Variants in COL17A1 observed in about 807,000 individuals in gnomAD.
COL17A1 encodes the protein collagen alpha-1(XVII) chain.
In COL17A1, 181 loss-of-function variants were observed where a neutral mutation model predicts 218.4. The observed-to-expected ratio is 0.83, with a 90% CI of 0.73 to 0.94. COL17A1 has a LOEUF of 0.94. Among genes scored for constraint, COL17A1 ranks in the 40% least tolerant of loss-of-function variants. The pLI is 0.00. For synonymous variants in COL17A1, 721 were observed against 731.0 expected (o/e 0.99, Z 0.22); for missense variants, 1,924 against 1,945.9 (o/e 0.99, Z 0.21).
In COL17A1 at chr10:104,033,317, C is replaced by T. The variant is rs753071204; in HGVS notation, c.4215G>A (p.Gly1405=). The T allele has an allele frequency of 6.2e-7, 1 of 1,607,522 alleles. No homozygotes were observed. Among genetic ancestry groups the T allele is most frequent in the South Asian group, 1.1e-5 (1 of 89,448 alleles). Residue 1405 remains glycine, a synonymous_variant, in exon 53 of 56, where the codon GGG becomes GGA. Coordinates refer to ENST00000648076, the MANE Select transcript of COL17A1 (RefSeq NM_000494.4). The part of the protein sequence containing the change: ...YTVQGPPGQP[G]PQGPPGISKV... ...TGCTGATGCCGGGTGGCCCCTGTGG[C>T]CCAGGCTGGCCTGGTGGGCCCTGGA...
intron 31 of COL17A1, 58 bp downstream of exon 31, chr10:104,047,681 A>G (rs2086426023): frequency 1.4e-6 from 2 of 1,420,228 alleles, no homozygotes; most frequent in African/African-American, 2.8e-5. Context: ...CTACATCCAC[A>G]CACACAAAGC....
At position 104,034,623 on chromosome 10, in the gene COL17A1, G is replaced by T; in HGVS notation, c.3764C>A (p.Thr1255Lys). 1 of 1,609,912 alleles carries T rather than the reference G, an allele frequency of 6.2e-7. No individual in the cohort carries two copies. ...GGCATCACCGTCGGGGCACCTACTT[G>T]TGAGGTAGCTGATCAGCTCGCTCCG... Reference protein sequence around the residue: ...SFRSELISYLTSPDVRSFIVG... With the variant: ...SFRSELISYLKSPDVRSFIVG... The change falls in exon 51 of 56, where the codon ACA becomes AAA. Residue 1255 changes from threonine to lysine, a missense_variant and splice_region_variant. Physicochemically the swap from Thr to Lys is moderately conservative, Grantham distance 78. Transcript: ENST00000648076.
intron 48 of COL17A1, among the ~76,000 whole-genome samples, chr10:104,036,075 GGAGTGTGTATGGGA>G (rs2086288578): frequency 1.8e-5 from 1 of 56,794 alleles, no homozygotes; most frequent in Non-Finnish European, 3.6e-5. Flanking sequence ...TATGTGTATG[GGAGTGTGTATGGGA>G]GTGTGTGTGT....
rs1315027341 is a variant in COL17A1, at chr10:104,052,282, C to T, written c.1940-65G>A. ...CCAGTGTGGCTGCCCCCTATCCTGGCACTGTCATTTGGAGGGGATGCTTCC... is the reference window on the plus strand; with the variant it reads ...CCAGTGTGGCTGCCCCCTATCCTGGTACTGTCATTTGGAGGGGATGCTTCC... On this transcript the variant is annotated intron_variant, in intron 23 of 55. Transcript: ENST00000648076. The T allele has an allele frequency of 1.7e-5, 28 of 1,603,612 alleles. No individual in the cohort carries two copies. In the South Asian group the frequency reaches 2.8e-4, roughly 16 times the overall value.
In COL17A1 at chr10:104,052,085, C is replaced by T. The variant is rs757852571; in HGVS notation, c.2002+70G>A. 2.3e-5 allele frequency: 37 copies of T among 1,608,412 alleles called. No homozygotes were observed. The Admixed American group carries it at 4.3e-4, about 19-fold the overall frequency. Reference sequence around the variant, plus strand: ...GCTGTCTGGGGTCCCAGGGCCTCTTCTCTGTGATCCATCCTGAATGTGGCT... The same window carrying T: ...GCTGTCTGGGGTCCCAGGGCCTCTTTTCTGTGATCCATCCTGAATGTGGCT... On this transcript the variant is annotated intron_variant, in intron 24 of 55. Coordinates refer to ENST00000648076, the MANE Select transcript of COL17A1 (RefSeq NM_000494.4).
At chr10:104,034,593 G>T in intron 51 of COL17A1, 28 bp downstream of exon 51, 1 of 1,605,546 alleles carries the variant, frequency 6.2e-7, no homozygotes, top group South Asian at 1.1e-5. Context: ...CGGGGTGCCT[G>T]GTGGGGCATC....
chr10:104,054,297 GA>G (rs2086498328), intron 20 of COL17A1, among the ~76,000 whole-genome samples, 179 bp from the exon 21 acceptor site: 1 of 152,220 alleles, frequency 6.6e-6, no homozygotes, highest in Non-Finnish European at 1.5e-5. Context: ...TATGTCCCAT[GA>G]AATATTTGGG....
At chr10:104,041,406 A>C (rs893750421) in intron 37 of COL17A1, 62 bp from the exon 38 acceptor site, 2 of 1,602,546 alleles carry the variant, frequency 1.2e-6, no homozygotes, top group African/African-American at 2.7e-5. Context: ...ACCCCTGAGG[A>C]TCTTGGCTTC....
rs886046690 is a variant in COL17A1, at chr10:104,070,449, A to G, written c.584T>C (p.Ile195Thr). 8 of 1,613,832 alleles carry G rather than the reference A, an allele frequency of 5.0e-6. No individual in the cohort carries two copies. The highest frequency in any genetic ancestry group is 2.2e-5 in the East Asian group (1 of 44,890). The change falls in exon 9 of 56, where the codon ATT becomes ACT. Residue 195 changes from isoleucine (I) to threonine (T), a missense_variant. By Grantham distance (89) the Ile-to-Thr change is moderately conservative (BLOSUM62 -1). Coordinates refer to ENST00000648076, the MANE Select transcript of COL17A1 (RefSeq NM_000494.4). ...IPKKGTVETK[I>T]VTASSQSVSG... ...ACCCGACTGGGAGCTCGCTGTCACA[A>G]TTTTGGTCTCCACAGTGCCTTTCTT...
At chr10:104,038,295 C>T in intron 45 of COL17A1, 111 bp downstream of exon 45, 3 of 1,401,102 alleles carry the variant, frequency 2.1e-6, no homozygotes, top group African/African-American at 1.4e-5. Flanking sequence ...CACTGCCCTA[C>T]ATCGTCCCAT....
At chr10:104,033,820 C>T (rs1350613168) in intron 52 of COL17A1, 125 bp downstream of exon 52, 16 of 1,426,312 alleles carry the variant, frequency 1.1e-5, no homozygotes, top group Non-Finnish European at 1.4e-5. Context: ...GCTGCCTGTC[C>T]CCTCCAGCCC....
At chr10:104,045,867 G>C in intron 32 of COL17A1, 74 bp from the exon 33 acceptor site, 1 of 1,196,526 alleles carries the variant, frequency 8.4e-7, no homozygotes, top group Non-Finnish European at 1.3e-6. Flanking sequence ...GGTCACTAGT[G>C]CTCCGTCACT....
chr10:104,054,134 C>T lies in COL17A1; in HGVS notation c.1745-16G>A, dbSNP rs201737616. ...CCTCGATCTCCTGCAGGAACAAAGG[C>T]AAAAGAGAGAGTGGTCAGCCAGAAG... On this transcript the variant is annotated splice_polypyrimidine_tract_variant and intron_variant, in intron 20 of 55. Coordinates refer to ENST00000648076, the MANE Select transcript of COL17A1 (RefSeq NM_000494.4). 1 of 1,602,922 alleles carries T rather than the reference C, an allele frequency of 6.2e-7. No homozygotes were observed. Among genetic ancestry groups the T allele is most frequent in the African/African-American group, 1.3e-5 (1 of 74,968 alleles).
intron 17 of COL17A1, among the ~76,000 whole-genome samples, chr10:104,056,379 G>A (rs113609496): frequency 0.029 from 4,434 of 152,130 alleles, 134 homozygotes; most frequent in East Asian, 0.11. Flanking sequence ...TCAGGAAATC[G>A]AGACCATCCT....
chr10:104,078,606 A>C lies in COL17A1; in HGVS notation c.53-20T>G, dbSNP rs778015257. 6.2e-7 allele frequency: 1 copy of C among 1,614,106 alleles called. No homozygotes were observed. Among genetic ancestry groups the C allele is most frequent in the South Asian group, 1.1e-5 (1 of 91,058 alleles). On this transcript the variant is annotated intron_variant, in intron 2 of 55. Transcript: ENST00000648076. ...TGACAACTAGAAAAAGACAAAGAAA[A>C]GATGAGTTCTTATGTAATGCACTGA... is the stretch of plus-strand genomic sequence containing the variant.
At chr10:104,064,784 T>C (rs1046939840) in intron 9 of COL17A1, among the ~76,000 whole-genome samples, 188 bp from the exon 10 acceptor site, 1 of 152,158 alleles carries the variant, frequency 6.6e-6, no homozygotes, top group Non-Finnish European at 1.5e-5. Context: ...GAAATCATTA[T>C]CTCTTGGATT....
chr10:104,060,029 A>C, intron 14 of COL17A1, 90 bp downstream of exon 14: 1 of 1,591,582 alleles, frequency 6.3e-7, no homozygotes, highest in South Asian at 1.1e-5. Context: ...TTCATGACTC[A>C]TAGGGTCCCA....
chr10:104,034,140 G>C lies in COL17A1; in HGVS notation c.3961C>G (p.Leu1321Val), dbSNP rs1564669736. ...MSTGGGGAGS[L>V]GAGGAFGEAA... ...TCACCAAAGGCACCGCCTGCACCCA[G>C]GGAGCCTGCACCACCTCCTCCTGTG... Residue 1321 changes from leucine to valine, a missense_variant, in exon 52 of 56, where the codon CTG becomes GTG. Physicochemically the swap from Leu to Val is conservative, Grantham distance 32. Coordinates refer to ENST00000648076, the MANE Select transcript of COL17A1 (RefSeq NM_000494.4). 1 of 1,613,820 alleles carries C rather than the reference G, an allele frequency of 6.2e-7. No individual in the cohort carries two copies.
chr10:104,065,483 T>C (rs1414558767), intron 9 of COL17A1, among the ~76,000 whole-genome samples: 1 of 152,246 alleles, frequency 6.6e-6, no homozygotes, highest in Admixed American at 6.5e-5. Context: ...ATGTTGGTTT[T>C]CTGACTTCCT....
Sources: gnomAD v4.1 joint callset for allele counts (sites outside exome capture counted in the v4.1 genomes callset) on GRCh38, gnomAD v4.1.1 for gene constraint, MANE v1.5 for transcripts, NCBI Gene and HGNC (gene_info 2026-07-23, HGNC 2026-07-21) for gene names.